MAPK14: variants seen among roughly 807,000 people sequenced by gnomAD.
MAPK14 encodes the protein mitogen-activated protein kinase 14.
A neutral mutation model predicts 49.6 loss-of-function variants in MAPK14; 16 were observed. The ratio of observed to expected loss-of-function variants is 0.32; its 90% CI spans 0.22 to 0.49. MAPK14 has a LOEUF of 0.49. MAPK14 is among the 20% of genes least tolerant of loss of function. The pLI, the probability that MAPK14 is intolerant of heterozygous loss-of-function variation, is 0.99. For synonymous variants in MAPK14, 142 were observed against 158.0 expected (o/e 0.90, Z 0.76); for missense variants, 200 against 441.2 (o/e 0.45, Z 4.90).
chr6:36,076,280 A>G (rs989327329), intron 7 of MAPK14, among the ~76,000 whole-genome samples: 42 of 152,206 alleles, frequency 2.8e-4, no homozygotes, highest in African/African-American at 9.7e-4. Flanking sequence ...CTACCATTCT[A>G]CTAATAAGAA....
chr6:36,056,933 A>G (rs894471203), intron 2 of MAPK14, among the ~76,000 whole-genome samples: 1 of 152,196 alleles, frequency 6.6e-6, no homozygotes, highest in Non-Finnish European at 1.5e-5. Context: ...ACTCAAGGGA[A>G]ACGATTATGG....
chr6:36,048,663 C>T (rs937238022), intron 1 of MAPK14, among the ~76,000 whole-genome samples: 1 of 152,104 alleles, frequency 6.6e-6, no homozygotes, highest in African/African-American at 2.4e-5. Context: ...AGGGAGAAAT[C>T]AAGGATGACA....
At chr6:36,119,136 C>A in the MAPK14 span, among the ~76,000 whole-genome samples, 2 of 152,160 alleles carry the variant, frequency 1.3e-5, 1 homozygote, top group South Asian at 4.1e-4. Flanking sequence ...GAAAACATCG[C>A]TTTTAAAACT....
intron 3 of MAPK14, among the ~76,000 whole-genome samples, chr6:36,070,848 G>A (rs1339469791): frequency 4.0e-5 from 6 of 151,866 alleles, no homozygotes; most frequent in Non-Finnish European, 7.4e-5. Context: ...ACACACACAC[G>A]TTTATTCTTA....
intron 3 of MAPK14, among the ~76,000 whole-genome samples, chr6:36,061,977 T>G (rs561192753): frequency 1.7e-4 from 26 of 152,030 alleles, no homozygotes; most frequent in Non-Finnish European, 3.2e-4. Context: ...GTTATTTCAG[T>G]GTTTTCTTTT....
chr6:36,070,346 T>G (rs1373123158), intron 3 of MAPK14, among the ~76,000 whole-genome samples: 1 of 152,238 alleles, frequency 6.6e-6, no homozygotes, highest in African/African-American at 2.4e-5. Context: ...ACATTACTAC[T>G]CTTTTTGACC....
chr6:36,104,708 C>G (rs1011890458), intron 10 of MAPK14, among the ~76,000 whole-genome samples: 6 of 152,156 alleles, frequency 3.9e-5, no homozygotes, highest in Non-Finnish European at 8.8e-5. Context: ...TTCTTGTCGT[C>G]ATTCTGTTCT....
intron 8 of MAPK14, among the ~76,000 whole-genome samples, chr6:36,084,639 G>A (rs1764905532): frequency 6.6e-6 from 1 of 152,194 alleles, no homozygotes; most frequent in Non-Finnish European, 1.5e-5. Context: ...AAGAATGAAA[G>A]GAAATGAACA....
chr6:36,055,376 A>G (rs1763553699), intron 2 of MAPK14, among the ~76,000 whole-genome samples: 1 of 152,226 alleles, frequency 6.6e-6, no homozygotes, highest in African/African-American at 2.4e-5. Flanking sequence ...TAAATATGCT[A>G]AATATTGTCT....
At chr6:36,076,759 T>A in intron 8 of MAPK14, 151 bp downstream of exon 8, 1 of 488,094 alleles carries the variant, frequency 2.0e-6, no homozygotes, top group Non-Finnish European at 3.6e-6. Flanking sequence ...TCAAACTGAG[T>A]AGCTTGCCTT....
chr6:36,069,111 C>T (rs183539766), intron 3 of MAPK14, among the ~76,000 whole-genome samples: 26 of 152,210 alleles, frequency 1.7e-4, no homozygotes, highest in Middle Eastern at 6.8e-3. Context: ...ATTTACTTTA[C>T]TTAATTTACT....
chr6:36,071,561 A>G (rs1581786561), intron 3 of MAPK14, among the ~76,000 whole-genome samples: 2 of 152,200 alleles, frequency 1.3e-5, no homozygotes, highest in East Asian at 1.9e-4. Flanking sequence ...GCCTCCAGAT[A>G]AAACATGTTC....
intron 3 of MAPK14, among the ~76,000 whole-genome samples, chr6:36,066,443 TAA>T (rs887844312): frequency 1.3e-5 from 2 of 152,152 alleles, no homozygotes; most frequent in African/African-American, 2.4e-5. Flanking sequence ...AATGCTTACC[TAA>T]AATAACTGAA....
At chr6:36,106,659 A>G (rs187414510) in intron 10 of MAPK14, among the ~76,000 whole-genome samples, 31 of 152,356 alleles carry the variant, frequency 2.0e-4, no homozygotes, top group Non-Finnish European at 3.5e-4. Context: ...AAAAAAATAC[A>G]TATAAATACA....
intron 1 of MAPK14, among the ~76,000 whole-genome samples, chr6:36,036,982 C>T (rs1269155650): frequency 6.6e-6 from 1 of 152,192 alleles, no homozygotes; most frequent in African/African-American, 2.4e-5. Flanking sequence ...CTCAAGCGAT[C>T]CTCCTGCCTC....
At position 36,110,619 on chromosome 6, in the gene MAPK14, A is replaced by G. The variant is rs1765937996; in HGVS notation, c.*2172A>G. ...CTGAGCATAATGCTCCCATCTCCTG[A>G]TTTCTCTGAACAGAAAACAAAAGAG... is the stretch of plus-strand genomic sequence containing the variant. On this transcript the variant is annotated 3_prime_UTR_variant, in exon 12 of 12. Transcript: ENST00000229794. 6.6e-6 allele frequency: 1 copy of G among 152,626 alleles called. No homozygotes were observed. The highest frequency in any genetic ancestry group is 2.1e-4 in the South Asian group (1 of 4,832). 9.5% of individuals were successfully genotyped at this position (152,626 alleles called of 1,614,324 possible).
chr6:36,095,030 AT>A (rs752946178), intron 8 of MAPK14, among the ~76,000 whole-genome samples: 11 of 152,226 alleles, frequency 7.2e-5, no homozygotes, highest in Non-Finnish European at 1.6e-4. Context: ...ATAAACGTGG[AT>A]AAACTGTTCA....
At chr6:36,067,715 T>C (rs943113152) in intron 3 of MAPK14, among the ~76,000 whole-genome samples, 4 of 152,164 alleles carry the variant, frequency 2.6e-5, no homozygotes, top group Admixed American at 6.6e-5. Context: ...TGAATGATTC[T>C]TTTACCCCTA....
At chr6:36,122,239 G>T in the MAPK14 span, among the ~76,000 whole-genome samples, 1 of 152,242 alleles carries the variant, frequency 6.6e-6, no homozygotes, top group East Asian at 1.9e-4. Flanking sequence ...AGGAGACCCT[G>T]TGGCCTCTGC....
Sources: allele counts gnomAD v4.1 joint callset (sites outside exome capture counted in the v4.1 genomes callset), GRCh38; gene constraint gnomAD v4.1.1; transcripts MANE v1.5; gene names NCBI Gene and HGNC (gene_info 2026-07-23, HGNC 2026-07-21).